SOCS2: variants seen among roughly 807,000 people sequenced by gnomAD.
SOCS2 encodes the protein CIS-2.
In SOCS2, 10 loss-of-function variants were observed where a neutral mutation model predicts 18.6. The observed-to-expected ratio is 0.54, with a 90% CI of 0.33 to 0.91. The LOEUF is 0.91. SOCS2 is among the 40% of genes least tolerant of loss of function. The probability of loss-of-function intolerance (pLI) is 0.02; values close to 1 mark genes in which losing one functional copy is unlikely to be tolerated. For missense variants in SOCS2, 231 were observed against 247.2 expected (o/e 0.93, Z 0.44); for synonymous variants, 104 against 104.0 (o/e 1.00, Z 0.00).
the SOCS2 span, among the ~76,000 whole-genome samples, chr12:93,625,640 C>A: frequency 6.7e-6 from 1 of 149,224 alleles, no homozygotes; most frequent in South Asian, 2.1e-4. Context: ...CTTAGCTACT[C>A]GGGAGGCTGA....
Position 93,574,855 on chromosome 12 carries a change from A to G in SOCS2, c.273A>G (p.Gly91=). 2 of 1,614,228 alleles carry G rather than the reference A, an allele frequency of 1.2e-6. No homozygotes were observed. Among genetic ancestry groups the G allele is most frequent in the East Asian group, 2.2e-5 (1 of 44,892 alleles). The change falls in exon 2 of 2, where the codon GGA becomes GGG. Residue 91 remains glycine, a synonymous_variant. Transcript: ENST00000551556. Reference sequence around the variant, plus strand: ...CAATATCTGTTAAAACATCAGCTGGACCAACTAATCTTCGAATCGAATACC... The same window carrying G: ...CAATATCTGTTAAAACATCAGCTGGGCCAACTAATCTTCGAATCGAATACC... ...LLTISVKTSA[G]PTNLRIEYQD...
At chr12:93,603,164 C>G in the SOCS2 span, among the ~76,000 whole-genome samples, 1 of 152,160 alleles carries the variant, frequency 6.6e-6, no homozygotes, top group African/African-American at 2.4e-5. Context: ...AGCTGGAAAT[C>G]CAGACCTTTA....
intron 1 of SOCS2, chr12:93,574,512 C>A (rs1316740): frequency 0.21 from 90,144 of 422,794 alleles, 11,534 homozygotes; most frequent in East Asian, 0.46. Context: ...ACTGGCTCGC[C>A]GTTTGTGTTC....
the SOCS2 span, among the ~76,000 whole-genome samples, chr12:93,614,524 C>CTTTCTTTCTCT: frequency 2.5e-5 from 2 of 80,568 alleles, no homozygotes; most frequent in African/African-American, 1.4e-4. Context: ...TCCTTCCTTC[C>CTTTCTTTCTCT]TTCCTTCCTT....
At chr12:93,624,515 T>C in the SOCS2 span, among the ~76,000 whole-genome samples, 22,530 of 151,252 alleles carry the variant, frequency 0.15, 2,412 homozygotes, top group East Asian at 0.37. Context: ...GAGGTTGTAG[T>C]GAGCCGAGAT....
the SOCS2 span, among the ~76,000 whole-genome samples, chr12:93,626,081 C>A: frequency 6.6e-6 from 1 of 152,136 alleles, no homozygotes; most frequent in African/African-American, 2.4e-5. Context: ...ACGGTTCTGC[C>A]AAAGGTTTGG....
chr12:93,609,299 G>A, the SOCS2 span, among the ~76,000 whole-genome samples: 4 of 152,072 alleles, frequency 2.6e-5, no homozygotes, highest in East Asian at 7.7e-4. Context: ...GGCTAAGGCA[G>A]GAGAATTGCT....
downstream of SOCS2, among the ~76,000 whole-genome samples, chr12:93,580,230 TG>T (rs1031886727): frequency 2.6e-5 from 4 of 152,230 alleles, no homozygotes; most frequent in Non-Finnish European, 5.9e-5. Flanking sequence ...AAAATTTGTT[TG>T]TTTTTGCTAA....
the SOCS2 span, among the ~76,000 whole-genome samples, chr12:93,607,478 T>A: frequency 1.3e-5 from 2 of 151,358 alleles, no homozygotes; most frequent in Non-Finnish European, 1.5e-5. Flanking sequence ...ATAAAAAGGA[T>A]ACACCCCAGG....
chr12:93,585,438 C>T (rs1954577866), downstream of SOCS2, among the ~76,000 whole-genome samples: 1 of 152,038 alleles, frequency 6.6e-6, no homozygotes, highest in Non-Finnish European at 1.5e-5. Flanking sequence ...ACAGATTGGC[C>T]AGAACTCTGT....
At chr12:93,573,243 C>G (rs7959620) in intron 1 of SOCS2, 3 of 640,622 alleles carry the variant, frequency 4.7e-6, no homozygotes, top group East Asian at 2.8e-5. Context: ...CCTGGCGGAG[C>G]GCAGAGCGCG....
the SOCS2 span, among the ~76,000 whole-genome samples, chr12:93,599,783 C>T: frequency 2.6e-5 from 4 of 152,224 alleles, no homozygotes; most frequent in African/African-American, 4.8e-5. Flanking sequence ...CACATGCATG[C>T]TGTCTTGCTC....
chr12:93,609,636 A>G, the SOCS2 span, among the ~76,000 whole-genome samples: 6 of 152,274 alleles, frequency 3.9e-5, no homozygotes, highest in South Asian at 1.0e-3. Flanking sequence ...CAGAGATAAA[A>G]TAGAGAGCAT....
At chr12:93,618,899 G>A in the SOCS2 span, among the ~76,000 whole-genome samples, 1 of 152,192 alleles carries the variant, frequency 6.6e-6, no homozygotes, top group Non-Finnish European at 1.5e-5. Flanking sequence ...GGTTGTACTT[G>A]AACTCCTGGG....
chr12:93,609,690 G>A, the SOCS2 span, among the ~76,000 whole-genome samples: 1 of 152,116 alleles, frequency 6.6e-6, no homozygotes, highest in Non-Finnish European at 1.5e-5. Flanking sequence ...GTAAATATTG[G>A]TTTACTTAAA....
At chr12:93,601,108 C>CTTTT in the SOCS2 span, among the ~76,000 whole-genome samples, 1 of 140,668 alleles carries the variant, frequency 7.1e-6, no homozygotes. Context: ...CTCTCTCTCT[C>CTTTT]TTTTTTTTTT....
chr12:93,584,802 GC>G (rs1954574101), downstream of SOCS2, among the ~76,000 whole-genome samples: 1 of 150,782 alleles, frequency 6.6e-6, no homozygotes, highest in Admixed American at 6.6e-5. Context: ...CGCTTTTGTT[GC>G]CTAGGCTGGA....
chr12:93,611,425 C>T, the SOCS2 span, among the ~76,000 whole-genome samples: 10 of 152,064 alleles, frequency 6.6e-5, no homozygotes, highest in Middle Eastern at 3.4e-3. Flanking sequence ...TTTGTAGAGA[C>T]GGGGTTTCAC....
At chr12:93,605,554 A>G in the SOCS2 span, among the ~76,000 whole-genome samples, 1 of 152,072 alleles carries the variant, frequency 6.6e-6, no homozygotes, top group Non-Finnish European at 1.5e-5. Context: ...AGACAGTTTG[A>G]CTCTTCAAGC....
Sources: allele counts gnomAD v4.1 joint callset (sites outside exome capture counted in the v4.1 genomes callset), GRCh38; gene constraint gnomAD v4.1.1; transcripts MANE v1.5; gene names NCBI Gene and HGNC (gene_info 2026-07-23, HGNC 2026-07-21).